The following SGTA variants were observed in gnomAD, a reference collection of about 807,000 sequenced individuals.
SGTA encodes the protein small glutamine-rich tetratricopeptide repeat-containing protein alpha.
SGTA carries 22 observed loss-of-function variants against 44.3 expected under a neutral mutation model. That is an observed-to-expected ratio of 0.50 (90% confidence interval 0.36 to 0.71). The LOEUF is 0.71. Ranked by LOEUF, SGTA falls within the 30% of genes least tolerant of loss-of-function variation. SGTA has a pLI of 0.00. For synonymous variants in SGTA, 174 were observed against 177.6 expected (o/e 0.98, Z 0.16); for missense variants, 341 against 435.9 (o/e 0.78, Z 1.94).
At chr19:2,768,845 G>A (rs1915220953) in intron 2 of SGTA, 124 bp downstream of exon 2, 1 of 723,178 alleles carries the variant, frequency 1.4e-6, no homozygotes, top group South Asian at 1.6e-5. Context: ...TGCCCTCTCT[G>A]GGCTTAGCTT....
At chr19:2,770,668 A>G (rs1915281772) in intron 1 of SGTA, 1 of 152,670 alleles carries the variant, frequency 6.6e-6, no homozygotes, top group Non-Finnish European at 1.5e-5. Flanking sequence ...GATGGAAACA[A>G]GTGGAGATGA....
intron 1 of SGTA, among the ~76,000 whole-genome samples, chr19:2,779,719 G>A (rs1025883542): frequency 1.3e-5 from 2 of 152,214 alleles, no homozygotes; most frequent in Non-Finnish European, 2.9e-5. Context: ...TTTCGGCTCT[G>A]AGCCGATGAC....
Position 2,781,229 on chromosome 19 carries a change from T to G in SGTA, c.-24+2004A>C, listed in dbSNP as rs189244311. 3.0e-3 allele frequency among the ~76,000 whole-genome samples: 458 copies of G among 152,300 alleles called. 4 individuals are homozygous for G. The highest frequency in any genetic ancestry group is 2.4e-3 in the Non-Finnish European group (162 of 68,026). On this transcript the variant is annotated intron_variant, in intron 1 of 11. Coordinates refer to ENST00000221566, the MANE Select transcript of SGTA (RefSeq NM_003021.4). ...AATCTGGGGCAGAGCTCACCCGCAT[T>G]TGGAATCATTCACCCTTCTAGGAAG...
chr19:2,768,906 T>C, intron 2 of SGTA, 63 bp downstream of exon 2: 1 of 1,225,280 alleles, frequency 8.2e-7, no homozygotes, highest in Non-Finnish European at 1.2e-6. Context: ...ACCAGGTGTC[T>C]ACACGAGGCG....
Position 2,782,174 on chromosome 19 carries a change from G to A in SGTA, c.-24+1059C>T, listed in dbSNP as rs529816270. ...GCCGTCCTGGGTACTGCAGGGTGCC[G>A]AGCAGCAACCCTGGCCTCCACCAAC... On this transcript the variant is annotated intron_variant, in intron 1 of 11. Coordinates refer to ENST00000221566, the MANE Select transcript of SGTA (RefSeq NM_003021.4). Among the ~76,000 whole-genome samples, 64 of 152,236 alleles carry A rather than the reference G, an allele frequency of 4.2e-4. 1 individual carries two copies. The highest frequency in any genetic ancestry group is 1.4e-3 in the African/African-American group (59 of 41,548).
intron 1 of SGTA, chr19:2,782,429 A>G (rs148368064): frequency 9.8e-5 from 15 of 152,390 alleles, no homozygotes; most frequent in African/African-American, 3.6e-4. Context: ...TTCTCAAGCC[A>G]GCTCTCTCTT....
rs956752731 is a variant in SGTA at position 2,767,256 on chromosome 19, C to G, written c.208-36G>C. The G allele has an allele frequency of 1.3e-6, 2 of 1,518,458 alleles. No homozygotes were observed. Among genetic ancestry groups the G allele is most frequent in the African/African-American group, 2.7e-5 (2 of 73,030 alleles). The allele number at this position is 1,518,458 out of a possible 1,614,324, so 94.1% of individuals were successfully genotyped here. The stretch of plus-strand genomic sequence containing the variant: ...AGGCAAAGGCGGCCCGCTGTCCTCT[C>G]CTCCCAACCTGGCACCCTCCGGCCT... On this transcript the variant is annotated intron_variant, in intron 3 of 11. Transcript: ENST00000221566. This position sits in a 1 kb window ranked among gnomAD's most constrained non-coding sequence, Gnocchi z 7.3.
In SGTA at chr19:2,758,385, C is replaced by G. The variant is rs143575526; in HGVS notation, c.738-603G>C. Among the ~76,000 whole-genome samples, 739 of 152,154 alleles carry G rather than the reference C, an allele frequency of 4.9e-3. 10 individuals are homozygous for G. Among genetic ancestry groups the G allele is most frequent in the African/African-American group, 0.017 (717 of 41,500 alleles). ...CTCTACTAAAAATGCAAAAATCAGC[C>G]GGGCATGGTGGTGGATGCCTGTAAT... On this transcript the variant is annotated intron_variant, in intron 9 of 11. Coordinates refer to ENST00000221566, the MANE Select transcript of SGTA (RefSeq NM_003021.4).
intron 11 of SGTA, among the ~76,000 whole-genome samples, chr19:2,756,872 C>A (rs1253145440): frequency 6.6e-6 from 1 of 152,212 alleles, no homozygotes; most frequent in Non-Finnish European, 1.5e-5. Context: ...AAATCCCTCA[C>A]AAAATGCAGG....
At chr19:2,771,586 G>GT (rs1164718307) in intron 1 of SGTA, among the ~76,000 whole-genome samples, 5 of 151,494 alleles carry the variant, frequency 3.3e-5, no homozygotes, top group Non-Finnish European at 7.4e-5. Context: ...GGGGGGGGGG[G>GT]GAGGGGTACG....
chr19:2,758,326 C>A (rs573316219), intron 9 of SGTA, among the ~76,000 whole-genome samples: 14 of 152,218 alleles, frequency 9.2e-5, no homozygotes, highest in African/African-American at 3.1e-4. Context: ...GTCAGGAGTT[C>A]AAGACCAGCC....
At chr19:2,771,472 C>T (rs368548620) in intron 1 of SGTA, among the ~76,000 whole-genome samples, 8 of 151,118 alleles carry the variant, frequency 5.3e-5, no homozygotes, top group South Asian at 2.1e-4. Context: ...GCATAGACCT[C>T]GGTTGGCTGT....
In SGTA at chr19:2,776,271, G is replaced by C. The variant is rs114456940; in HGVS notation, c.-24+6962C>G. 8.4e-3 allele frequency among the ~76,000 whole-genome samples: 1,274 copies of C among 152,350 alleles called. 25 individuals are homozygous for C. The highest frequency in any genetic ancestry group is 0.029 in the African/African-American group (1,198 of 41,582). On this transcript the variant is annotated intron_variant, in intron 1 of 11. Coordinates refer to ENST00000221566, the MANE Select transcript of SGTA (RefSeq NM_003021.4). ...TATTTTTAAGCACGTTTTGACAACAGCATTACAATAGCCAAAAGCAAACAG... is the reference window on the plus strand; with the variant it reads ...TATTTTTAAGCACGTTTTGACAACACCATTACAATAGCCAAAAGCAAACAG...
intron 6 of SGTA, among the ~76,000 whole-genome samples, chr19:2,762,971 C>T (rs959191416): frequency 1.3e-5 from 2 of 152,204 alleles, no homozygotes; most frequent in South Asian, 4.1e-4. Context: ...GTCTTGGCCC[C>T]GCTTCCCGGC....
intron 1 of SGTA, among the ~76,000 whole-genome samples, chr19:2,772,043 C>T (rs532673869): frequency 3.9e-5 from 6 of 152,364 alleles, no homozygotes; most frequent in East Asian, 1.9e-4. Context: ...TGTGTGTCAC[C>T]GGCCTTCCTC....
rs1915051301 is a variant in SGTA, at chr19:2,763,233, T to A, written c.497+420A>T. ...GAAGCAGGCGAATGCACGCTTATGC[T>A]GGGAGGGCGGCACCGGCTGCACGGG... On this transcript the variant is annotated intron_variant, in intron 6 of 11. Coordinates refer to ENST00000221566, the MANE Select transcript of SGTA (RefSeq NM_003021.4). The surrounding 1 kb of genome is among the most constrained non-coding windows in gnomAD (Gnocchi z 5.8). Among the ~76,000 whole-genome samples the A allele has an allele frequency of 6.6e-6, 1 of 152,172 alleles. No individual in the cohort carries two copies. Among genetic ancestry groups the A allele is most frequent in the Non-Finnish European group, 1.5e-5 (1 of 68,002 alleles).
At chr19:2,759,535 G>A (rs1914927499) in intron 8 of SGTA, 9 of 541,998 alleles carry the variant, frequency 1.7e-5, no homozygotes, top group East Asian at 1.2e-4. Context: ...GAGCGATCTC[G>A]CAGCGCCACA....
intron 5 of SGTA, among the ~76,000 whole-genome samples, chr19:2,764,013 G>A (rs576154657): frequency 1.2e-4 from 19 of 152,254 alleles, no homozygotes; most frequent in African/African-American, 3.1e-4. Context: ...AAAATGTTCC[G>A]ATCCATGGCT....
At chr19:2,774,964 G>C (rs1288358781) in intron 1 of SGTA, among the ~76,000 whole-genome samples, 2 of 152,202 alleles carry the variant, frequency 1.3e-5, no homozygotes, top group African/African-American at 4.8e-5. Context: ...CATGGAGTGG[G>C]GGGAGGCCAG....
Sources: allele counts gnomAD v4.1 joint callset (sites outside exome capture counted in the v4.1 genomes callset), GRCh38; gene constraint gnomAD v4.1.1; non-coding constraint Gnocchi (gnomAD v3.1); transcripts MANE v1.5; gene names NCBI Gene and HGNC (gene_info 2026-07-23, HGNC 2026-07-21).